Variants in NOX5 observed in about 807,000 individuals in gnomAD.
NOX5 encodes the protein NADPH oxidase, EF-hand calcium binding domain 5.
NOX5 carries 76 observed loss-of-function variants against 85.7 expected under a neutral mutation model. That is an observed-to-expected ratio of 0.89 (90% CI 0.74 to 1.07). The LOEUF is 1.07. NOX5 is among the 50% of genes least tolerant of loss of function. The pLI, the probability that NOX5 is intolerant of heterozygous loss-of-function variation, is 0.00. For missense variants in NOX5, 973 were observed against 999.5 expected (o/e 0.97, Z 0.36); for synonymous variants, 405 against 401.4 (o/e 1.01, Z -0.11).
chr15:69,046,643 T>G lies in NOX5; in HGVS notation c.1648-179T>G, dbSNP rs146527987. Among the ~76,000 whole-genome samples, 1,431 of 152,238 alleles carry G rather than the reference T, an allele frequency of 9.4e-3. 11 individuals carry two copies. Among genetic ancestry groups the G allele is most frequent in the East Asian group, 0.025 (132 of 5,178 alleles). Reference sequence around the variant, plus strand: ...TGTTATCCCTTCGCCAGAAGTCAGTTTACCAGCACATCCCTGATGTTCTCT... The same window carrying G: ...TGTTATCCCTTCGCCAGAAGTCAGTGTACCAGCACATCCCTGATGTTCTCT... On this transcript the variant is annotated intron_variant, in intron 10 of 15. Transcript: ENST00000388866.
At chr15:69,032,638 T>G (rs2050452586) in intron 4 of NOX5, among the ~76,000 whole-genome samples, 1 of 152,146 alleles carries the variant, frequency 6.6e-6, no homozygotes. Flanking sequence ...CTCGAACTCC[T>G]GACCTCAGGT....
At chr15:69,048,443 G>C (rs1171695338) in intron 13 of NOX5, among the ~76,000 whole-genome samples, 2 of 152,036 alleles carry the variant, frequency 1.3e-5, no homozygotes, top group Non-Finnish European at 2.9e-5. Flanking sequence ...TGAGGTGGGA[G>C]GATCACTTGA....
chr15:69,042,186 A>C (rs545672331), intron 9 of NOX5, among the ~76,000 whole-genome samples: 54 of 152,218 alleles, frequency 3.5e-4, no homozygotes, highest in African/African-American at 1.2e-3. Flanking sequence ...ACGTCACCTC[A>C]CACCACATTT....
At chr15:69,047,806 C>A (rs1370625421) in intron 12 of NOX5, 24 bp from the exon 13 acceptor site, 5 of 1,612,882 alleles carry the variant, frequency 3.1e-6, no homozygotes, top group Non-Finnish European at 4.2e-6. Flanking sequence ...AAATTTACAA[C>A]CCCTTCCTCC....
At position 69,014,707 on chromosome 15, in the gene NOX5, G is replaced by C; in HGVS notation, c.-29G>C. On this transcript the variant is annotated 5_prime_UTR_variant, in exon 1 of 16. Transcript: ENST00000388866. The stretch of plus-strand genomic sequence containing the variant: ...CAGCTCAATGGACAGCAGTCTTTCT[G>C]GGACCTGTGATCTAGAAGACAGGAG... 2 of 1,550,386 alleles carry C rather than the reference G, an allele frequency of 1.3e-6. No individual in the cohort carries two copies. The highest frequency in any genetic ancestry group is 1.7e-6 in the Non-Finnish European group (2 of 1,146,814).
At chr15:69,019,545 C>G (rs1372749206) in intron 1 of NOX5, among the ~76,000 whole-genome samples, 1 of 152,142 alleles carries the variant, frequency 6.6e-6, no homozygotes, top group Non-Finnish European at 1.5e-5. Context: ...CTCATGGATA[C>G]CATCAGATCA....
At chr15:69,056,089 G>A (rs900321906) in intron 15 of NOX5, among the ~76,000 whole-genome samples, 2 of 152,090 alleles carry the variant, frequency 1.3e-5, no homozygotes, top group African/African-American at 4.8e-5. Context: ...TCAGAAAAAG[G>A]CAATTCATAA....
chr15:69,033,416 C>CA (rs2050467853), intron 5 of NOX5, 139 bp downstream of exon 5: 1 of 972,076 alleles, frequency 1.0e-6, no homozygotes, highest in Non-Finnish European at 1.5e-6. Flanking sequence ...GGCCAACGCT[C>CA]AGAGTTGGAG....
chr15:69,018,386 G>A (rs1029393199), intron 1 of NOX5, among the ~76,000 whole-genome samples: 19 of 152,128 alleles, frequency 1.2e-4, no homozygotes, highest in African/African-American at 4.1e-4. Flanking sequence ...GCTACGTGGA[G>A]GCTTTACCTG....
intron 10 of NOX5, among the ~76,000 whole-genome samples, chr15:69,044,972 G>A (rs1275994807): frequency 6.6e-6 from 1 of 152,150 alleles, no homozygotes; most frequent in Non-Finnish European, 1.5e-5. Flanking sequence ...ATCCCTGGCC[G>A]CAGGACGAAG....
Position 69,037,075 on chromosome 15 carries a change from C to T in NOX5, c.1236C>T (p.Leu412=), listed in dbSNP as rs752990921. The T allele has an allele frequency of 9.3e-5, 150 of 1,613,884 alleles. No individual in the cohort carries two copies. In the Admixed American group the frequency reaches 2.3e-3, roughly 24 times the overall value. ...CCTACCTCCTCGTGTGGCTTCTGCTCATCTTTCATGGGCCCAACTTCTGGA... is the reference window on the plus strand; with the variant it reads ...CCTACCTCCTCGTGTGGCTTCTGCTTATCTTTCATGGGCCCAACTTCTGGA... ...HLSYLLVWLL[L]IFHGPNFWKW... The change falls in exon 8 of 16, where the codon CTC becomes CTT. Residue 412 remains leucine, a synonymous_variant. Transcript: ENST00000388866.
intron 10 of NOX5, among the ~76,000 whole-genome samples, chr15:69,044,182 T>TAAAAAAAA: frequency 7.4e-6 from 1 of 134,358 alleles, no homozygotes; most frequent in Non-Finnish European, 1.6e-5. Flanking sequence ...AGGCTCCAAC[T>TAAAAAAAA]AAAAAAAAAA....
intron 12 of NOX5, 105 bp downstream of exon 12, chr15:69,047,642 C>A: frequency 7.0e-7 from 1 of 1,426,436 alleles, no homozygotes; most frequent in South Asian, 1.4e-5. Context: ...TTTCACCTGT[C>A]TCTCTCTGCT....
At chr15:69,040,257 T>C (rs940517732) in intron 9 of NOX5, among the ~76,000 whole-genome samples, 6 of 152,266 alleles carry the variant, frequency 3.9e-5, no homozygotes, top group African/African-American at 1.4e-4. Flanking sequence ...CCTATTTTTT[T>C]CCTTTTCTTT....
intron 12 of NOX5, 69 bp downstream of exon 12, chr15:69,047,606 C>T: frequency 1.3e-6 from 2 of 1,549,166 alleles, no homozygotes; most frequent in African/African-American, 1.4e-5. Flanking sequence ...TGCTCCTCCT[C>T]CCTTTATTCC....
chr15:69,016,770 C>A (rs894243514), intron 1 of NOX5, among the ~76,000 whole-genome samples: 6 of 152,080 alleles, frequency 3.9e-5, no homozygotes, highest in Admixed American at 6.6e-5. Context: ...CACATACACA[C>A]ACACACTAAA....
rs1276222707 is a variant in NOX5, at chr15:69,061,755, C to T, written c.*5059C>T. On this transcript the variant is annotated 3_prime_UTR_variant, in exon 16 of 16. Transcript: ENST00000388866. ...CCAAAAGGGCTGCCCTAATACTACT[C>T]AGGGACAAATGGGCCCTCTTAAACT... 6.6e-6 allele frequency: 1 copy of T among 152,180 alleles called. No individual in the cohort carries two copies. Among genetic ancestry groups the T allele is most frequent in the East Asian group, 1.9e-4 (1 of 5,196 alleles). 9.4% of individuals were successfully genotyped at this position (152,180 alleles called of 1,614,324 possible). A position where few individuals can be genotyped will look rare whatever the true frequency, so the allele number is the denominator to read the frequency against.
chr15:69,035,636 G>A (rs902485611), intron 6 of NOX5, 122 bp from the exon 7 acceptor site: 66 of 1,553,942 alleles, frequency 4.2e-5, no homozygotes, highest in Middle Eastern at 2.2e-4. Context: ...ATAAGCCAAC[G>A]CTCTGGACAA....
chr15:69,029,653 C>T (rs960832471), intron 3 of NOX5: 1 of 151,468 alleles, frequency 6.6e-6, no homozygotes, highest in African/African-American at 2.4e-5. Flanking sequence ...AAGTTCTCCA[C>T]ATTCTTGCTA....
Sources: allele counts gnomAD v4.1 joint callset (sites outside exome capture counted in the v4.1 genomes callset), GRCh38; gene constraint gnomAD v4.1.1; transcripts MANE v1.5; gene names NCBI Gene and HGNC (gene_info 2026-07-23, HGNC 2026-07-21).